NIBAN1: variants seen among roughly 807,000 people sequenced by gnomAD.
NIBAN1 encodes niban apoptosis regulator 1, also known as protein Niban 1.
A neutral mutation model predicts 75.1 loss-of-function variants in NIBAN1; 81 were observed. That is an observed-to-expected ratio of 1.08 (90% CI 0.90 to 1.30). The LOEUF (loss-of-function observed/expected upper bound fraction) is 1.30. Among genes scored for constraint, NIBAN1 ranks in the 50% most tolerant of loss-of-function variants. The probability of loss-of-function intolerance (pLI) is 0.00; values close to 1 mark genes in which losing one functional copy is unlikely to be tolerated. For synonymous variants in NIBAN1, 436 were observed against 424.8 expected (o/e 1.03, Z -0.32); for missense variants, 1,133 against 1,128.1 (o/e 1.00, Z -0.06).
At chr1:184,937,047 T>G (rs1657980075) in intron 1 of NIBAN1, among the ~76,000 whole-genome samples, 1 of 152,184 alleles carries the variant, frequency 6.6e-6, no homozygotes, top group South Asian at 2.1e-4. Context: ...GGCGCATTTC[T>G]TTATAAGAAA....
At chr1:184,860,462 G>A (rs1274094323) in intron 5 of NIBAN1, among the ~76,000 whole-genome samples, 1 of 151,752 alleles carries the variant, frequency 6.6e-6, no homozygotes, top group African/African-American at 2.4e-5. Flanking sequence ...GTTCTATTAG[G>A]ATAAAAAACA....
chr1:184,795,220 A>G lies in NIBAN1; in HGVS notation c.2544T>C (p.Ser848=). ...GGCTCTCACTGAGGCAGATGGGGTCAGAACCTAAGGTGCAGCCCTCTTGCT... is the reference window on the plus strand; with the variant it reads ...GGCTCTCACTGAGGCAGATGGGGTCGGAACCTAAGGTGCAGCCCTCTTGCT... The part of the protein sequence containing the change: ...ASQQEGCTLG[S]DPICLSESQV... Residue 848 remains serine (S), a synonymous_variant, in exon 14 of 14, where the codon TCT becomes TCC. Coordinates refer to ENST00000367511, the MANE Select transcript of NIBAN1 (RefSeq NM_052966.4). 1 of 1,614,048 alleles carries G rather than the reference A, an allele frequency of 6.2e-7. No homozygotes were observed. The highest frequency in any genetic ancestry group is 8.5e-7 in the Non-Finnish European group (1 of 1,180,040).
At chr1:184,939,897 G>A (rs953608670) in intron 1 of NIBAN1, among the ~76,000 whole-genome samples, 1 of 152,036 alleles carries the variant, frequency 6.6e-6, no homozygotes, top group Non-Finnish European at 1.5e-5. Flanking sequence ...ATTCATCTTT[G>A]TATCTCCACA....
intron 1 of NIBAN1, among the ~76,000 whole-genome samples, chr1:184,969,565 C>T (rs1003302762): frequency 7.2e-5 from 11 of 152,152 alleles, no homozygotes; most frequent in Non-Finnish European, 1.3e-4. Flanking sequence ...TAATCCCATG[C>T]CTACTATAAT....
intron 1 of NIBAN1, among the ~76,000 whole-genome samples, chr1:184,923,967 T>TG (rs1350698435): frequency 6.6e-6 from 1 of 151,922 alleles, no homozygotes; most frequent in East Asian, 1.9e-4. Context: ...AGTTTTTTTT[T>TG]TTTTTGGTAG....
chr1:184,858,254 G>A (rs754430888), intron 5 of NIBAN1, among the ~76,000 whole-genome samples: 1 of 151,670 alleles, frequency 6.6e-6, no homozygotes, highest in South Asian at 2.1e-4. Context: ...AGAAAAAGAA[G>A]GAAGGAATGA....
chr1:184,831,834 A>G lies in NIBAN1; in HGVS notation c.717+13T>C. The G allele has an allele frequency of 6.3e-7, 1 of 1,598,190 alleles. No individual in the cohort carries two copies. The highest frequency in any genetic ancestry group is 2.2e-5 in the East Asian group (1 of 44,800). On this transcript the variant is annotated intron_variant, in intron 6 of 13. Transcript: ENST00000367511. ...AACACAGAGAGAATCCAAAATTTTGAACCCCATATTACCTGGATTTCATCC... is the reference window on the plus strand; with the variant it reads ...AACACAGAGAGAATCCAAAATTTTGGACCCCATATTACCTGGATTTCATCC...
At chr1:184,960,887 C>T (rs528388678) in intron 1 of NIBAN1, among the ~76,000 whole-genome samples, 1 of 152,066 alleles carries the variant, frequency 6.6e-6, no homozygotes, top group African/African-American at 2.4e-5. Flanking sequence ...GCCTCGGACT[C>T]CCAAAGTGCT....
chr1:184,940,900 A>G (rs1038255532), intron 1 of NIBAN1, among the ~76,000 whole-genome samples: 3 of 152,222 alleles, frequency 2.0e-5, no homozygotes, highest in African/African-American at 7.2e-5. Flanking sequence ...GATGTGTTGA[A>G]CAGGTTGACT....
chr1:184,810,778 G>C (rs1002260644), intron 9 of NIBAN1, among the ~76,000 whole-genome samples: 4 of 152,198 alleles, frequency 2.6e-5, no homozygotes, highest in Non-Finnish European at 4.4e-5. Flanking sequence ...TGTGATTCTA[G>C]GGACTGCCCG....
Position 184,794,834 on chromosome 1 carries a change from C to T in NIBAN1, c.*143G>A. 2 of 1,063,360 alleles carry T rather than the reference C, an allele frequency of 1.9e-6. No individual in the cohort carries two copies. Among genetic ancestry groups the T allele is most frequent in the Non-Finnish European group, 2.8e-6 (2 of 713,402 alleles). The allele number at this position is 1,063,360 out of a possible 1,614,324, so 65.9% of individuals were successfully genotyped here. On this transcript the variant is annotated 3_prime_UTR_variant, in exon 14 of 14. Transcript: ENST00000367511. Reference sequence around the variant, plus strand: ...AAGGTTTGCCTCAGTTGCTCATGCCCTGTATGCATTTCCTCTGGTTTTATT... The same window carrying T: ...AAGGTTTGCCTCAGTTGCTCATGCCTTGTATGCATTTCCTCTGGTTTTATT...
At chr1:184,936,417 T>A (rs1402366322) in intron 1 of NIBAN1, among the ~76,000 whole-genome samples, 1 of 152,212 alleles carries the variant, frequency 6.6e-6, no homozygotes, top group East Asian at 1.9e-4. Flanking sequence ...TGTTCCTGTA[T>A]TGTTGCCTCC....
chr1:184,934,035 G>GGTTCAA (rs1228287657), intron 1 of NIBAN1, among the ~76,000 whole-genome samples: 3 of 152,128 alleles, frequency 2.0e-5, no homozygotes, highest in Non-Finnish European at 2.9e-5. Flanking sequence ...GGAAATCATG[G>GGTTCAA]GTTCAAGAAA....
chr1:184,891,466 A>C (rs1424727749), intron 3 of NIBAN1, among the ~76,000 whole-genome samples: 5 of 152,242 alleles, frequency 3.3e-5, no homozygotes, highest in Admixed American at 3.3e-4. Context: ...GACTGGACTC[A>C]AAAGTGAATT....
At chr1:184,855,658 ATGC>A in intron 5 of NIBAN1, among the ~76,000 whole-genome samples, 1 of 152,288 alleles carries the variant, frequency 6.6e-6, no homozygotes, top group Non-Finnish European at 1.5e-5. Flanking sequence ...ACATTCTGTC[ATGC>A]TACATAATTT....
At chr1:184,974,275 C>A (rs116972909) in intron 1 of NIBAN1, 27 bp downstream of exon 1, 9 of 1,545,446 alleles carry the variant, frequency 5.8e-6, no homozygotes, top group Non-Finnish European at 7.8e-6. Flanking sequence ...CAGGGTGCTC[C>A]CCAGGCCCCC....
intron 5 of NIBAN1, among the ~76,000 whole-genome samples, chr1:184,838,616 A>G (rs1655201060): frequency 6.6e-6 from 1 of 152,172 alleles, no homozygotes; most frequent in Non-Finnish European, 1.5e-5. Flanking sequence ...AGGAAAGGAA[A>G]ACTTCTCTAG....
chr1:184,909,826 C>T (rs965958935), intron 1 of NIBAN1, among the ~76,000 whole-genome samples: 2 of 152,160 alleles, frequency 1.3e-5, no homozygotes, highest in African/African-American at 2.4e-5. Flanking sequence ...TATAGCTCAT[C>T]ACAGAGCCAA....
At chr1:184,906,571 G>C (rs887188437) in intron 1 of NIBAN1, among the ~76,000 whole-genome samples, 8 of 152,034 alleles carry the variant, frequency 5.3e-5, no homozygotes, top group African/African-American at 1.7e-4. Flanking sequence ...CGGAGGTTGC[G>C]GTGAGCTGAG....
Sources: allele counts gnomAD v4.1 joint callset (sites outside exome capture counted in the v4.1 genomes callset), GRCh38; gene constraint gnomAD v4.1.1; transcripts MANE v1.5; gene names NCBI Gene and HGNC (gene_info 2026-07-23, HGNC 2026-07-21).